The following RANBP2 variants were observed in gnomAD, a reference collection of about 807,000 sequenced individuals.
RANBP2 encodes the protein RAN binding protein 2.
Under a neutral mutation model 303.6 loss-of-function variants are expected in RANBP2, and 57 were observed. The observed-to-expected ratio is 0.19, with a 90% CI of 0.15 to 0.23. The LOEUF (loss-of-function observed/expected upper bound fraction) is 0.23. Ranked by LOEUF, RANBP2 falls within the 10% of genes least tolerant of loss-of-function variation. The probability of loss-of-function intolerance (pLI) is 1.00; values close to 1 mark genes in which losing one functional copy is unlikely to be tolerated. For missense variants in RANBP2, 3,138 were observed against 3,780.8 expected (o/e 0.83, Z 4.46); for synonymous variants, 1,167 against 1,301.5 (o/e 0.90, Z 2.23).
chr2:108,786,953 C>T, downstream of RANBP2: 1 of 1,401,306 alleles, frequency 7.1e-7, no homozygotes, highest in Non-Finnish European at 9.5e-7. Flanking sequence ...TGGGCTCCTG[C>T]TGCTGGGGGG....
the RANBP2 span, chr2:109,732,916 C>T: frequency 1.1e-5 from 9 of 783,502 alleles, no homozygotes; most frequent in Non-Finnish European, 2.0e-5. Flanking sequence ...CACTATGTGG[C>T]CCCTGTGTAG....
At chr2:109,226,862 C>T in the RANBP2 span, among the ~76,000 whole-genome samples, 1 of 152,182 alleles carries the variant, frequency 6.6e-6, no homozygotes, top group Non-Finnish European at 1.5e-5. Context: ...GAGAAACTAA[C>T]TGGAATCAGT....
the RANBP2 span, among the ~76,000 whole-genome samples, chr2:109,567,331 A>G: frequency 2.0e-5 from 3 of 152,224 alleles, no homozygotes; most frequent in Non-Finnish European, 2.9e-5. Flanking sequence ...AGAAAGTAAA[A>G]TTAAGAACTT....
At chr2:108,778,936 C>T (rs9784004) in intron 25 of RANBP2, among the ~76,000 whole-genome samples, 9,457 of 152,138 alleles carry the variant, frequency 0.062, 991 homozygotes, top group African/African-American at 0.21. Flanking sequence ...CACTATGTTA[C>T]CCAGGCTGGT....
the RANBP2 span, chr2:108,912,796 C>T: frequency 6.5e-7 from 1 of 1,537,196 alleles, no homozygotes; most frequent in Non-Finnish European, 8.8e-7. Flanking sequence ...TCAAATGATC[C>T]AGAGAAGCTC....
intron 24 of RANBP2, 150 bp downstream of exon 24, chr2:108,776,086 C>T (rs999059190): frequency 1.4e-5 from 9 of 652,112 alleles, no homozygotes; most frequent in Admixed American, 2.9e-5. Context: ...TAATAATAAC[C>T]AGAAAAATTA....
chr2:109,131,384 A>G, the RANBP2 span, among the ~76,000 whole-genome samples: 1 of 152,230 alleles, frequency 6.6e-6, no homozygotes, highest in Non-Finnish European at 1.5e-5. Flanking sequence ...TGCTTGCGTT[A>G]GAAATTTTCA....
At chr2:109,107,866 G>A in the RANBP2 span, among the ~76,000 whole-genome samples, 2 of 152,030 alleles carry the variant, frequency 1.3e-5, no homozygotes, top group Admixed American at 6.6e-5. Context: ...CTCCTGAGTA[G>A]CTGGGATTAC....
the RANBP2 span, chr2:108,876,645 A>G: frequency 6.5e-6 from 1 of 153,406 alleles, no homozygotes; most frequent in African/African-American, 2.4e-5. Context: ...GAAAGCAAAA[A>G]TGTATATCTT....
chr2:109,593,270 G>A, the RANBP2 span, among the ~76,000 whole-genome samples: 2 of 152,158 alleles, frequency 1.3e-5, no homozygotes, highest in East Asian at 3.8e-4. Context: ...AATCGTGTTT[G>A]AAATTGTGGC....
At chr2:109,443,344 C>G in the RANBP2 span, among the ~76,000 whole-genome samples, 1 of 152,206 alleles carries the variant, frequency 6.6e-6, no homozygotes. Flanking sequence ...GTGTTGCCCC[C>G]TATCGGCTCT....
At chr2:108,750,385 A>T (rs889405224) in intron 9 of RANBP2, among the ~76,000 whole-genome samples, 14 of 152,296 alleles carry the variant, frequency 9.2e-5, no homozygotes, top group South Asian at 4.1e-4. Context: ...TTCCACTGTT[A>T]ATAATCATAC....
At chr2:108,910,927 C>A in the RANBP2 span, 1 of 1,613,980 alleles carries the variant, frequency 6.2e-7, no homozygotes, top group South Asian at 1.1e-5. Context: ...AGCAGGGCAC[C>A]GGCGCATGGG....
the RANBP2 span, among the ~76,000 whole-genome samples, chr2:109,437,538 A>G: frequency 1.3e-5 from 2 of 152,096 alleles, no homozygotes; most frequent in Non-Finnish European, 2.9e-5. Context: ...TCCCCCATGA[A>G]TGATTGTGGG....
At chr2:109,342,406 G>A in the RANBP2 span, among the ~76,000 whole-genome samples, 8 of 152,184 alleles carry the variant, frequency 5.3e-5, no homozygotes, top group Non-Finnish European at 1.2e-4. Flanking sequence ...GGCCAGCAGC[G>A]GAGCATCCAA....
At chr2:109,393,768 C>T in the RANBP2 span, among the ~76,000 whole-genome samples, 1 of 152,126 alleles carries the variant, frequency 6.6e-6, no homozygotes, top group African/African-American at 2.4e-5. Flanking sequence ...GGGGACACAA[C>T]TACTTTGCGC....
At chr2:108,791,048 C>T in the RANBP2 span, among the ~76,000 whole-genome samples, 3 of 152,132 alleles carry the variant, frequency 2.0e-5, no homozygotes, top group African/African-American at 7.2e-5. Flanking sequence ...AGGCGTGAGC[C>T]ACCATGCCTG....
At chr2:109,067,523 T>C in the RANBP2 span, among the ~76,000 whole-genome samples, 13 of 152,252 alleles carry the variant, frequency 8.5e-5, no homozygotes, top group Admixed American at 2.0e-4. Context: ...CTCGGGCAAG[T>C]CCCTCCACCG....
chr2:109,198,083 C>T, the RANBP2 span, among the ~76,000 whole-genome samples: 3 of 152,066 alleles, frequency 2.0e-5, no homozygotes, highest in African/African-American at 4.8e-5. Flanking sequence ...TGGGGGTGCT[C>T]GGGAGTGTGG....
Sources: gnomAD v4.1 joint callset for allele counts (sites outside exome capture counted in the v4.1 genomes callset) on GRCh38, gnomAD v4.1.1 for gene constraint, MANE v1.5 for transcripts, NCBI Gene and HGNC (gene_info 2026-07-23, HGNC 2026-07-21) for gene names.